The following NPDC1 variants were observed in gnomAD, a reference collection of about 807,000 sequenced individuals.
The protein encoded by NPDC1 is neural proliferation differentiation and control protein 1.
A neutral mutation model predicts 32.5 loss-of-function variants in NPDC1; 18 were observed. That is an observed-to-expected ratio of 0.55 (90% confidence interval 0.38 to 0.82). The LOEUF (loss-of-function observed/expected upper bound fraction) is 0.82. Among genes scored for constraint, NPDC1 ranks in the 40% least tolerant of loss-of-function variants. The pLI, the probability that NPDC1 is intolerant of heterozygous loss-of-function variation, is 0.00. For missense variants in NPDC1, 468 were observed against 406.6 expected, an observed-to-expected ratio of 1.15 and a Z score of -1.30; for synonymous variants, 210 against 184.7, an observed-to-expected ratio of 1.14 and a Z score of -1.11.
rs1412773785 is a variant in NPDC1 at position 137,041,062 on chromosome 9, C to G, written c.385G>C (p.Ala129Pro). ...GGGGCAGGGGAAGCGGGGGTCTCAC[C>G]AGGCTCCGGGAGCCGCTGTCGGTCC... ...PKDRQRLPEP[A>P]TLGFSARGQG... Residue 129 changes from alanine (A) to proline (P), a missense_variant and splice_region_variant, in exon 3 of 9, where the codon GCC becomes CCC. Physicochemically the swap from Ala to Pro is conservative, Grantham distance 27. Coordinates refer to ENST00000371601, the MANE Select transcript of NPDC1 (RefSeq NM_015392.4). 3.9e-6 allele frequency: 6 copies of G among 1,520,424 alleles called. No homozygotes were observed. The South Asian group carries it at 7.9e-5, about 20-fold the overall frequency. The allele number at this position is 1,520,424 out of a possible 1,614,324, so 94.2% of individuals were successfully genotyped here.
At chr9:137,041,299 G>A (rs952458356) in intron 2 of NPDC1, 112 bp from the exon 3 acceptor site, 40 of 1,158,264 alleles carry the variant, frequency 3.5e-5, no homozygotes, top group Non-Finnish European at 4.1e-5. Context: ...CTGGGTACAC[G>A]CCTGGAGGCC....
rs1296679862 is a variant in NPDC1 at position 137,039,629 on chromosome 9, G to C, written c.*143C>G. 1 of 592,290 alleles carries C rather than the reference G, an allele frequency of 1.7e-6. No homozygotes were observed. Among genetic ancestry groups the C allele is most frequent in the Non-Finnish European group, 3.0e-6 (1 of 332,392 alleles). The allele number at this position is 592,290 out of a possible 1,614,324, so 36.7% of individuals were successfully genotyped here. A position where few individuals can be genotyped will look rare whatever the true frequency, so the allele number is the denominator to read the frequency against. On this transcript the variant is annotated 3_prime_UTR_variant, in exon 9 of 9. Transcript: ENST00000371601. ...GCACAAAGGTTCGGGGGTCTCCCTG[G>C]CAAGGGGTCCCAGGGCCTGGAGCCC...
chr9:137,042,118 G>A (rs1227062394), intron 2 of NPDC1, among the ~76,000 whole-genome samples: 1 of 152,214 alleles, frequency 6.6e-6, no homozygotes, highest in African/African-American at 2.4e-5. Context: ...CCAGGCCTGG[G>A]CCCACCTCCA....
At position 137,041,177 on chromosome 9, in the gene NPDC1, C is replaced by T. The variant is rs1247432004; in HGVS notation, c.270G>A (p.Arg90=). The part of the protein sequence containing the change: ...PRMRRPPGGG[R]PQPRLEDEID... ...TCTCATCTTCCAGTCTGGGCTGGGG[C>T]CGGCCCCCGCCTGGGGAGGGTGAGG... Residue 90 remains arginine, a synonymous_variant, in exon 3 of 9, where the codon CGG becomes CGA. Transcript: ENST00000371601. 16 of 1,441,036 alleles carry T rather than the reference C, an allele frequency of 1.1e-5. No homozygotes were observed. Among genetic ancestry groups the T allele is most frequent in the Non-Finnish European group, 1.5e-5 (16 of 1,095,708 alleles). The allele number at this position is 1,441,036 out of a possible 1,614,324, so 89.3% of individuals were successfully genotyped here.
In NPDC1 at chr9:137,039,564, A is replaced by G; in HGVS notation, c.*208T>C. 1 of 553,640 alleles carries G rather than the reference A, an allele frequency of 1.8e-6. No homozygotes were observed. Among genetic ancestry groups the G allele is most frequent in the Non-Finnish European group, 3.2e-6 (1 of 314,754 alleles). 34.3% of individuals were successfully genotyped at this position (553,640 alleles called of 1,614,324 possible). ...ATGCCCCCTCCAGTTTGGGGGTCTA[A>G]ACCGAACAGGAGAGGTGCAGGGGAC... On this transcript the variant is annotated 3_prime_UTR_variant, in exon 9 of 9. Coordinates refer to ENST00000371601, the MANE Select transcript of NPDC1 (RefSeq NM_015392.4).
rs1832028835 is a variant in NPDC1, at chr9:137,040,446, G to A, written c.709-10C>T. The stretch of plus-strand genomic sequence containing the variant: ...GCCGCTGGTCCCCAGGCTGTGGGAA[G>A]GAGGAGGCGAGGGTCAGTTGGCGGC... On this transcript the variant is annotated splice_polypyrimidine_tract_variant and intron_variant, in intron 6 of 8. Transcript: ENST00000371601. The A allele has an allele frequency of 1.9e-6, 3 of 1,557,602 alleles. No individual in the cohort carries two copies. Among genetic ancestry groups the A allele is most frequent in the Non-Finnish European group, 2.6e-6 (3 of 1,152,468 alleles).
chr9:137,041,048 A>G lies in NPDC1; in HGVS notation c.385+14T>C, dbSNP rs1375885538. On this transcript the variant is annotated intron_variant, in intron 3 of 8. Transcript: ENST00000371601. ...AGGGACAGGGCCGTGGGGCAGGGGA[A>G]GCGGGGGTCTCACCAGGCTCCGGGA... 2 of 1,519,290 alleles carry G rather than the reference A, an allele frequency of 1.3e-6. No individual in the cohort carries two copies. The highest frequency in any genetic ancestry group is 2.3e-5 in the East Asian group (1 of 43,682). 94.1% of individuals were successfully genotyped at this position (1,519,290 alleles called of 1,614,324 possible).
chr9:137,046,119 G>A lies in NPDC1; in HGVS notation c.-130C>T, dbSNP rs540733825. On this transcript the variant is annotated 5_prime_UTR_variant, in exon 1 of 9. Transcript: ENST00000371601. Reference sequence around the variant, plus strand: ...GGAGGAAGAAGAGGCGGATGCCAAGGAGGAGGAGGAGGAAGAGGAAAGGCA... The same window carrying A: ...GGAGGAAGAAGAGGCGGATGCCAAGAAGGAGGAGGAGGAAGAGGAAAGGCA... The A allele has an allele frequency of 1.3e-4, 138 of 1,065,440 alleles. No homozygotes were observed. In the African/African-American group the frequency reaches 2.0e-3, roughly 16 times the overall value. The allele number at this position is 1,065,440 out of a possible 1,614,324, so 66.0% of individuals were successfully genotyped here. A position where few individuals can be genotyped will look rare whatever the true frequency, so the allele number is the denominator to read the frequency against.
rs760039732 is a variant in NPDC1, at chr9:137,040,520, C to T, written c.702G>A (p.Arg234=). 6.3e-7 allele frequency: 1 copy of T among 1,590,082 alleles called. No homozygotes were observed. Among genetic ancestry groups the T allele is most frequent in the African/African-American group, 1.3e-5 (1 of 74,654 alleles). Residue 234 remains arginine, a synonymous_variant, in exon 6 of 9, where the codon CGG becomes CGA. Coordinates refer to ENST00000371601, the MANE Select transcript of NPDC1 (RefSeq NM_015392.4). ...GCTGAAGGGGGCCACACACCGAGAT[C>T]CGGGGAGCTGCAGGTGAGCCAGGGG... ...AKAPGSPAAP[R]ISPGDQRLAQ...
At chr9:137,045,473 G>A (rs1832116099) in intron 1 of NPDC1, among the ~76,000 whole-genome samples, 1 of 152,208 alleles carries the variant, frequency 6.6e-6, no homozygotes, top group South Asian at 2.1e-4. Context: ...AGCGAAGCCG[G>A]CGGGCACTCA....
Position 137,039,654 on chromosome 9 carries a change from C to A in NPDC1, c.*118G>T. On this transcript the variant is annotated 3_prime_UTR_variant, in exon 9 of 9. Coordinates refer to ENST00000371601, the MANE Select transcript of NPDC1 (RefSeq NM_015392.4). ...GCAAGGGGTCCCAGGGCCTGGAGCCCGAGGCCCAGCCAAAAGCACACAGCA... is the reference window on the plus strand; with the variant it reads ...GCAAGGGGTCCCAGGGCCTGGAGCCAGAGGCCCAGCCAAAAGCACACAGCA... The A allele has an allele frequency of 3.3e-6, 2 of 599,216 alleles. No individual in the cohort carries two copies. The highest frequency in any genetic ancestry group is 4.0e-5 in the South Asian group (2 of 50,246). 37.1% of individuals were successfully genotyped at this position (599,216 alleles called of 1,614,324 possible). A position where few individuals can be genotyped will look rare whatever the true frequency, so the allele number is the denominator to read the frequency against.
rs768313619 is a variant in NPDC1 at position 137,040,725 on chromosome 9, G to A, written c.569C>T (p.Ala190Val). The change falls in exon 5 of 9, where the codon GCG becomes GTG. Residue 190 changes from alanine to valine, a missense_variant. Transcript: ENST00000371601. Reference sequence around the variant, plus strand: ...GGCGGCTGCACCGGCCACACAGAACGCCAGGATCAGCACTGCAGGAGGGGG... The same window carrying A: ...GGCGGCTGCACCGGCCACACAGAACACCAGGATCAGCACTGCAGGAGGGGG... ...GDGLALVLIL[A>V]FCVAGAAALS... The A allele has an allele frequency of 1.4e-5, 22 of 1,589,372 alleles. No individual in the cohort carries two copies. Among genetic ancestry groups the A allele is most frequent in the African/African-American group, 1.1e-4 (8 of 74,844 alleles).
intron 1 of NPDC1, among the ~76,000 whole-genome samples, chr9:137,045,426 G>A (rs1162690720): frequency 4.6e-5 from 7 of 152,232 alleles, no homozygotes; most frequent in Non-Finnish European, 7.3e-5. Context: ...GACAGGCAGA[G>A]CAGCACTGAG....
In NPDC1 at chr9:137,040,919, G is replaced by T; in HGVS notation, c.451C>A (p.Pro151Thr). The T allele has an allele frequency of 1.3e-6, 2 of 1,569,188 alleles. No homozygotes were observed. The highest frequency in any genetic ancestry group is 8.6e-7 in the Non-Finnish European group (1 of 1,160,302). The part of the protein sequence containing the change: ...ELGLPSTPGT[P>T]TPTPHTSLGS... ...AGGGAGGTGTGGGGCGTGGGCGTGG[G>T]GGTTCCTGGAGTGGAGGGGAGGCCC... Residue 151 changes from proline to threonine, a missense_variant, in exon 4 of 9, where the codon CCC (proline) becomes ACC (threonine). Pro to Thr is a conservative substitution (Grantham distance 38). Coordinates refer to ENST00000371601, the MANE Select transcript of NPDC1 (RefSeq NM_015392.4).
In NPDC1 at chr9:137,040,803, C is replaced by G; in HGVS notation, c.556+11G>C. On this transcript the variant is annotated intron_variant, in intron 4 of 8. Coordinates refer to ENST00000371601, the MANE Select transcript of NPDC1 (RefSeq NM_015392.4). ...CCCTGCTGCCCCTGCCCACCCCCGA[C>G]CAAGACCTACCAAGGGCGAGGCCGT... is the stretch of plus-strand genomic sequence containing the variant. 1 of 1,589,650 alleles carries G rather than the reference C, an allele frequency of 6.3e-7. No homozygotes were observed. Among genetic ancestry groups the G allele is most frequent in the Non-Finnish European group, 8.5e-7 (1 of 1,173,138 alleles).
intron 8 of NPDC1, 46 bp from the exon 9 acceptor site, chr9:137,039,910 T>C (rs754559797): frequency 1.5e-5 from 12 of 778,492 alleles, no homozygotes; most frequent in South Asian, 5.4e-5. Flanking sequence ...GCTGGGGGGA[T>C]ACTTGCTGGG....
At chr9:137,043,343 T>C (rs10781535) in intron 1 of NPDC1, 716,857 of 717,472 alleles carry the variant, frequency 1, 358,125 homozygotes, top group Middle Eastern at 1. Flanking sequence ...AGAAGCTGAG[T>C]CTCGCCGTCC....
chr9:137,040,879 GAC>G lies in NPDC1; in HGVS notation c.489_490del (p.Ser164IlefsTer48). On this transcript the variant is annotated frameshift_variant, in exon 4 of 9. Coordinates refer to ENST00000371601, the MANE Select transcript of NPDC1 (RefSeq NM_015392.4). LOFTEE classifies it high-confidence loss of function. Reference sequence around the variant, plus strand: ...GGGCGACATGTGCACCGGGTCGGATGACACAGGGGAGCCCAGGGAGGTGTGGG... The same window carrying G: ...GGGCGACATGTGCACCGGGTCGGATGACAGGGGAGCCCAGGGAGGTGTGGG... 1 of 1,597,060 alleles carries G rather than the reference GAC, an allele frequency of 6.3e-7. No individual in the cohort carries two copies. The highest frequency in any genetic ancestry group is 8.5e-7 in the Non-Finnish European group (1 of 1,174,582).
In NPDC1 at chr9:137,045,996, G is replaced by GCGC; in HGVS notation, c.-10_-8dup. On this transcript the variant is annotated 5_prime_UTR_variant, in exon 1 of 9. Coordinates refer to ENST00000371601, the MANE Select transcript of NPDC1 (RefSeq NM_015392.4). The stretch of plus-strand genomic sequence containing the variant: ...GAGGCAGCGGCGTCGCCATCCTTCA[G>GCGC]CGCCGCCGCCGGGGCAGCATGGCAC... 1 of 1,192,660 alleles carries GCGC rather than the reference G, an allele frequency of 8.4e-7. No homozygotes were observed. The highest frequency in any genetic ancestry group is 1.0e-6 in the Non-Finnish European group (1 of 962,530). 73.9% of individuals were successfully genotyped at this position (1,192,660 alleles called of 1,614,324 possible).
Sources: allele counts gnomAD v4.1 joint callset (sites outside exome capture counted in the v4.1 genomes callset), GRCh38; gene constraint gnomAD v4.1.1; transcripts MANE v1.5; gene names NCBI Gene and HGNC (gene_info 2026-07-23, HGNC 2026-07-21).